Variants in UXS1 observed in about 807,000 individuals in gnomAD.
UXS1 encodes the protein UDP-glucuronic acid decarboxylase 1.
A neutral mutation model predicts 62.6 loss-of-function variants in UXS1; 33 were observed. The observed-to-expected ratio is 0.53, with a 90% CI of 0.40 to 0.70. The LOEUF is 0.70. Ranked by LOEUF, UXS1 falls within the 30% of genes least tolerant of loss-of-function variation. The pLI, the probability that UXS1 is intolerant of heterozygous loss-of-function variation, is 0.00. For missense variants in UXS1, 434 were observed against 556.3 expected (o/e 0.78, Z 2.21); for synonymous variants, 213 against 206.8 (o/e 1.03, Z -0.26).
intron 9 of UXS1, among the ~76,000 whole-genome samples, chr2:106,118,535 T>C (rs1679249711): frequency 6.6e-6 from 1 of 152,136 alleles, no homozygotes; most frequent in Non-Finnish European, 1.5e-5. Context: ...TGAGTCCAAA[T>C]GCACACAGAG....
intron 12 of UXS1, among the ~76,000 whole-genome samples, chr2:106,099,831 A>T (rs1300404680): frequency 6.6e-6 from 1 of 152,156 alleles, no homozygotes; most frequent in African/African-American, 2.4e-5. Context: ...TTTTAAGTGA[A>T]TTTTTTTCAA....
Position 106,143,548 on chromosome 2 carries a change from T to C in UXS1, c.472+1642A>G, listed in dbSNP as rs528981067. Reference sequence around the variant, plus strand: ...AATTTAGAGGCTCAAAAAATATCCATTCACGATCCGATCTGACAGGTCTAC... The same window carrying C: ...AATTTAGAGGCTCAAAAAATATCCACTCACGATCCGATCTGACAGGTCTAC... On this transcript the variant is annotated intron_variant, in intron 6 of 14. Transcript: ENST00000283148. Among the ~76,000 whole-genome samples the C allele has an allele frequency of 1.8e-3, 278 of 151,072 alleles. 1 individual carries two copies. Among genetic ancestry groups the C allele is most frequent in the Non-Finnish European group, 3.5e-3 (238 of 67,766 alleles).
In UXS1 at chr2:106,095,077, T is replaced by C. The variant is rs558610271; in HGVS notation, c.1147-920A>G. On this transcript the variant is annotated intron_variant, in intron 14 of 14. Transcript: ENST00000283148. ...CTACTACTAGAAGAGAAACCAGTGGTAGATGGCTCACATTCCAAGAATGTT... is the reference window on the plus strand; with the variant it reads ...CTACTACTAGAAGAGAAACCAGTGGCAGATGGCTCACATTCCAAGAATGTT... Among the ~76,000 whole-genome samples the C allele has an allele frequency of 7.9e-5, 12 of 152,304 alleles. No homozygotes were observed. In the East Asian group the frequency reaches 2.1e-3, roughly 27 times the overall value.
At position 106,194,262 on chromosome 2, in the gene UXS1, C is replaced by G; in HGVS notation, c.-21G>C. ...ACCATCCCCGGGAGCCGCGCGGGTC[C>G]AGGGCCCTACCGCGCGGGGGCCCGC... is the stretch of plus-strand genomic sequence containing the variant. On this transcript the variant is annotated 5_prime_UTR_variant, in exon 1 of 15. Transcript: ENST00000283148. 1 of 1,328,974 alleles carries G rather than the reference C, an allele frequency of 7.5e-7. No homozygotes were observed. The highest frequency in any genetic ancestry group is 3.2e-5 in the Admixed American group (1 of 31,106). The allele number at this position is 1,328,974 out of a possible 1,614,324, so 82.3% of individuals were successfully genotyped here.
At chr2:106,193,289 A>G in intron 1 of UXS1, among the ~76,000 whole-genome samples, 1 of 152,162 alleles carries the variant, frequency 6.6e-6, no homozygotes, top group South Asian at 2.1e-4. Flanking sequence ...CGCAGCTCAC[A>G]CTGGGAGCTA....
chr2:106,147,164 C>G (rs1473350892), intron 5 of UXS1, among the ~76,000 whole-genome samples: 1 of 151,206 alleles, frequency 6.6e-6, no homozygotes, highest in African/African-American at 2.4e-5. Flanking sequence ...TATCCTAAGT[C>G]CCCCAACTGA....
chr2:106,166,216 C>T (rs1683199300), intron 1 of UXS1, 133 bp from the exon 2 acceptor site: 2 of 806,318 alleles, frequency 2.5e-6, no homozygotes, highest in Non-Finnish European at 3.9e-6. Context: ...CAACAAAATG[C>T]ATACTTTGTT....
chr2:106,188,443 G>A (rs994693416), intron 1 of UXS1, among the ~76,000 whole-genome samples: 16 of 152,212 alleles, frequency 1.1e-4, no homozygotes, highest in African/African-American at 3.4e-4. Flanking sequence ...GATTTTCAAA[G>A]ACATCTAAGA....
chr2:106,182,894 T>A (rs1530324), intron 1 of UXS1, among the ~76,000 whole-genome samples: 149,035 of 152,156 alleles, frequency 0.98, 73,050 homozygotes, highest in South Asian at 1. Flanking sequence ...GATAGTGGGG[T>A]CCTCTCATTG....
intron 1 of UXS1, among the ~76,000 whole-genome samples, chr2:106,170,481 C>T (rs1426841909): frequency 2.2e-4 from 34 of 152,216 alleles, no homozygotes; most frequent in Non-Finnish European, 2.9e-5. Flanking sequence ...TGAATGCATG[C>T]CAAGTAATTT....
intron 1 of UXS1, among the ~76,000 whole-genome samples, chr2:106,169,278 A>C (rs1053037186): frequency 6.6e-6 from 1 of 152,222 alleles, no homozygotes; most frequent in Non-Finnish European, 1.5e-5. Context: ...ATTCCATGCT[A>C]TGGAAGCATC....
chr2:106,101,338 C>G (rs545736937), intron 11 of UXS1: 5 of 545,682 alleles, frequency 9.2e-6, no homozygotes, highest in East Asian at 3.2e-5. Context: ...CTGGGATTTG[C>G]TTTTTTTGGG....
chr2:106,147,930 G>A (rs1681700179), intron 5 of UXS1, among the ~76,000 whole-genome samples: 1 of 152,256 alleles, frequency 6.6e-6, no homozygotes, highest in South Asian at 2.1e-4. Context: ...ATGCTCTGAT[G>A]AAATGCAAAT....
Position 106,163,720 on chromosome 2 carries a change from T to C in UXS1, c.187-10A>G. 7.0e-7 allele frequency: 1 copy of C among 1,422,836 alleles called. No individual in the cohort carries two copies. The highest frequency in any genetic ancestry group is 9.3e-7 in the Non-Finnish European group (1 of 1,078,058). The allele number at this position is 1,422,836 out of a possible 1,614,324, so 88.1% of individuals were successfully genotyped here. A position where few individuals can be genotyped will look rare whatever the true frequency, so the allele number is the denominator to read the frequency against. ...TTAGTGGTTCAACCATCTAGAACAATAATAACAAAAATCAGTTTTAAAGCA... is the reference window on the plus strand; with the variant it reads ...TTAGTGGTTCAACCATCTAGAACAACAATAACAAAAATCAGTTTTAAAGCA... On this transcript the variant is annotated splice_polypyrimidine_tract_variant and intron_variant, in intron 3 of 14. Transcript: ENST00000283148.
intron 1 of UXS1, among the ~76,000 whole-genome samples, chr2:106,173,519 AC>A (rs1414156563): frequency 1.3e-5 from 2 of 152,262 alleles, no homozygotes; most frequent in Non-Finnish European, 2.9e-5. Context: ...ACACTGCTGC[AC>A]CCCAGCCCAG....
intron 4 of UXS1, among the ~76,000 whole-genome samples, chr2:106,163,033 A>G (rs1682996153): frequency 6.6e-6 from 1 of 152,322 alleles, no homozygotes; most frequent in South Asian, 2.1e-4. Context: ...TACTCTAGAT[A>G]GTTTTCCACA....
intron 1 of UXS1, among the ~76,000 whole-genome samples, chr2:106,181,544 C>T (rs1043065022): frequency 1.8e-4 from 27 of 151,966 alleles, no homozygotes; most frequent in African/African-American, 6.5e-4. Context: ...CATGGTGAAA[C>T]CCTGTCTCAA....
chr2:106,173,230 C>T (rs1267412775), intron 1 of UXS1, among the ~76,000 whole-genome samples: 4 of 152,096 alleles, frequency 2.6e-5, no homozygotes, highest in East Asian at 1.9e-4. Context: ...TAAAAAGCTC[C>T]CCCAAATGAC....
At chr2:106,145,761 T>C (rs560368580) in intron 5 of UXS1, among the ~76,000 whole-genome samples, 6 of 152,082 alleles carry the variant, frequency 3.9e-5, no homozygotes, top group South Asian at 2.1e-4. Context: ...AATTACTTTA[T>C]AGAAAAAACG....
Sources: gnomAD v4.1 joint callset for allele counts (sites outside exome capture counted in the v4.1 genomes callset) on GRCh38, gnomAD v4.1.1 for gene constraint, MANE v1.5 for transcripts, NCBI Gene and HGNC (gene_info 2026-07-23, HGNC 2026-07-21) for gene names.